Variants in SH3RF3 observed in about 807,000 individuals in gnomAD.
SH3RF3 encodes the protein E3 ubiquitin-protein ligase SH3RF3.
Under a neutral mutation model 66.3 loss-of-function variants are expected in SH3RF3, and 29 were observed. The ratio of observed to expected loss-of-function variants is 0.44; its 90% CI spans 0.33 to 0.60. The LOEUF is 0.60. Among genes scored for constraint, SH3RF3 ranks in the 20% least tolerant of loss-of-function variants. SH3RF3 has a pLI of 0.04. For missense variants in SH3RF3, 1,194 were observed against 1,190.9 expected, an observed-to-expected ratio of 1.00 and a Z score of -0.04; for synonymous variants, 583 against 532.0, an observed-to-expected ratio of 1.10 and a Z score of -1.32.
intron 8 of SH3RF3, among the ~76,000 whole-genome samples, chr2:109,453,554 G>T (rs765994464): frequency 7.2e-5 from 11 of 152,152 alleles, no homozygotes; most frequent in Non-Finnish European, 1.6e-4. Flanking sequence ...GCTGCGTGCA[G>T]TTGGCATCCC....
intron 1 of SH3RF3, among the ~76,000 whole-genome samples, chr2:109,255,298 C>T (rs1196124682): frequency 2.6e-5 from 4 of 152,270 alleles, no homozygotes; most frequent in South Asian, 4.1e-4. Flanking sequence ...TTCCAGCAGA[C>T]CCCATACCAC....
intron 3 of SH3RF3, among the ~76,000 whole-genome samples, chr2:109,389,954 C>T (rs994815275): frequency 1.3e-5 from 2 of 152,180 alleles, no homozygotes; most frequent in Admixed American, 6.5e-5. Flanking sequence ...CTCTTGCTCC[C>T]CTTGTTCCTC....
intron 4 of SH3RF3, 58 bp downstream of exon 4, chr2:109,399,001 C>T: frequency 6.6e-7 from 1 of 1,505,184 alleles, no homozygotes; most frequent in Non-Finnish European, 8.9e-7. Flanking sequence ...CTATCCTCAG[C>T]TCCGTGTTCA....
At chr2:109,463,085 T>C (rs1678246532) in intron 8 of SH3RF3, among the ~76,000 whole-genome samples, 1 of 152,326 alleles carries the variant, frequency 6.6e-6, no homozygotes, top group East Asian at 1.9e-4. Context: ...ATTCAAGGGA[T>C]TCTGAGTCTG....
chr2:109,447,033 C>T (rs1412476495), intron 7 of SH3RF3, among the ~76,000 whole-genome samples: 1 of 151,728 alleles, frequency 6.6e-6, no homozygotes, highest in Non-Finnish European at 1.5e-5. Context: ...ATTAAATGAC[C>T]CGAGGCCCCT....
chr2:109,334,185 G>A (rs79491357), intron 1 of SH3RF3, among the ~76,000 whole-genome samples: 18,149 of 151,876 alleles, frequency 0.12, 1,272 homozygotes, highest in East Asian at 0.24. Flanking sequence ...GTGAGACCCC[G>A]TCCCTACAAA....
At chr2:109,201,514 C>CT (rs1350943025) in intron 1 of SH3RF3, among the ~76,000 whole-genome samples, 1 of 152,318 alleles carries the variant, frequency 6.6e-6, no homozygotes, top group East Asian at 1.9e-4. Flanking sequence ...GCCACCCTTG[C>CT]TGTCTCCTGC....
chr2:109,158,893 A>G (rs1311139446), intron 1 of SH3RF3, among the ~76,000 whole-genome samples: 1 of 152,226 alleles, frequency 6.6e-6, no homozygotes, highest in South Asian at 2.1e-4. Context: ...AGGCGGGTGG[A>G]TCACCTGAGG....
intron 1 of SH3RF3, among the ~76,000 whole-genome samples, chr2:109,145,771 G>C (rs1677083091): frequency 6.6e-6 from 1 of 152,348 alleles, no homozygotes; most frequent in African/African-American, 2.4e-5. Flanking sequence ...GAACCCAGGA[G>C]CAGTATTGGT....
chr2:109,373,687 G>C (rs914469200), intron 3 of SH3RF3, among the ~76,000 whole-genome samples: 3 of 152,180 alleles, frequency 2.0e-5, no homozygotes, highest in Admixed American at 6.5e-5. Flanking sequence ...CTGCAGAAAG[G>C]TTTCGTGTCC....
At chr2:109,444,049 C>A (rs1677642448) in intron 7 of SH3RF3, among the ~76,000 whole-genome samples, 2 of 152,066 alleles carry the variant, frequency 1.3e-5, no homozygotes, top group Admixed American at 1.3e-4. Flanking sequence ...AACTACATTC[C>A]CTGACCACAG....
At chr2:109,493,832 A>G (rs1273296891) in intron 9 of SH3RF3, among the ~76,000 whole-genome samples, 2 of 152,148 alleles carry the variant, frequency 1.3e-5, no homozygotes, top group African/African-American at 4.8e-5. Flanking sequence ...CAAATTGTAC[A>G]TCAAGCAACC....
At chr2:109,425,508 A>T (rs551932003) in intron 5 of SH3RF3, among the ~76,000 whole-genome samples, 31 of 152,334 alleles carry the variant, frequency 2.0e-4, no homozygotes, top group African/African-American at 7.5e-4. Context: ...TTAGGGGCTA[A>T]TGCAGCTGGT....
chr2:109,264,398 C>G (rs1680438393), intron 1 of SH3RF3, among the ~76,000 whole-genome samples: 1 of 152,098 alleles, frequency 6.6e-6, no homozygotes, highest in African/African-American at 2.4e-5. Flanking sequence ...CACCTCGAGT[C>G]TGTGGGTGCC....
At chr2:109,206,467 G>A (rs369720273) in intron 1 of SH3RF3, among the ~76,000 whole-genome samples, 1 of 144,050 alleles carries the variant, frequency 6.9e-6, no homozygotes, top group African/African-American at 2.6e-5. Context: ...CTCCAGCCTG[G>A]GCGACAGAGT....
chr2:109,414,032 A>C (rs1676662456), intron 4 of SH3RF3, among the ~76,000 whole-genome samples: 2 of 152,186 alleles, frequency 1.3e-5, no homozygotes, highest in South Asian at 4.1e-4. Flanking sequence ...CTCAATGGAC[A>C]ATGACATTCC....
chr2:109,192,782 A>G (rs1678400396), intron 1 of SH3RF3, among the ~76,000 whole-genome samples: 8 of 152,252 alleles, frequency 5.3e-5, no homozygotes. Context: ...CAGCAGTGAC[A>G]GACGAGTTCA....
chr2:109,142,387 G>A (rs781079808), intron 1 of SH3RF3, among the ~76,000 whole-genome samples: 1 of 152,182 alleles, frequency 6.6e-6, no homozygotes, highest in Non-Finnish European at 1.5e-5. Flanking sequence ...GGACCCCAAA[G>A]CACCCTGTGG....
At chr2:109,178,118 A>G (rs1286665138) in intron 1 of SH3RF3, among the ~76,000 whole-genome samples, 2 of 152,202 alleles carry the variant, frequency 1.3e-5, no homozygotes, top group African/African-American at 2.4e-5. Context: ...ATCCATATCA[A>G]TCTGTGCTGC....
Sources: allele counts gnomAD v4.1 joint callset (sites outside exome capture counted in the v4.1 genomes callset), GRCh38; gene constraint gnomAD v4.1.1; transcripts MANE v1.5; gene names NCBI Gene and HGNC (gene_info 2026-07-23, HGNC 2026-07-21).